PDS5B: variants seen among roughly 807,000 people sequenced by gnomAD.
PDS5B encodes the protein PDS5 cohesin associated factor B.
In PDS5B, 51 loss-of-function variants were observed where a neutral mutation model predicts 184.1. That is an observed-to-expected ratio of 0.28 (90% CI 0.22 to 0.35). PDS5B has a LOEUF of 0.35. Among genes scored for constraint, PDS5B ranks in the 10% least tolerant of loss-of-function variants. PDS5B has a pLI of 1.00. For missense variants in PDS5B, 1,180 were observed against 1,723.3 expected (o/e 0.68, Z 5.58); for synonymous variants, 566 against 569.2 (o/e 0.99, Z 0.08).
intron 23 of PDS5B, among the ~76,000 whole-genome samples, chr13:32,744,995 A>G (rs981458101): frequency 3.3e-5 from 5 of 152,156 alleles, no homozygotes; most frequent in Admixed American, 1.3e-4. Flanking sequence ...CCCTCCTTAT[A>G]TTTGTTCAAG....
intron 6 of PDS5B, among the ~76,000 whole-genome samples, chr13:32,665,423 C>G (rs1268647393): frequency 6.6e-6 from 1 of 151,278 alleles, no homozygotes; most frequent in Non-Finnish European, 1.5e-5. Context: ...AACCCTGTCT[C>G]TACTAAATAC....
In PDS5B at chr13:32,671,155, A is replaced by G. The variant is rs146728843; in HGVS notation, c.706-2061A>G. On this transcript the variant is annotated intron_variant, in intron 7 of 34. Transcript: ENST00000315596. The stretch of plus-strand genomic sequence containing the variant: ...CATATTTTTTATTCATTTACCAAAC[A>G]TATATTCTATGCCTCCTCTGTGTCA... 9.2e-3 allele frequency among the ~76,000 whole-genome samples: 1,403 copies of G among 152,314 alleles called. 59 individuals are homozygous for G. The highest frequency in any genetic ancestry group is 0.076 in the Admixed American group (1,163 of 15,294).
intron 11 of PDS5B, among the ~76,000 whole-genome samples, chr13:32,685,443 G>A (rs921452773): frequency 2.6e-5 from 4 of 152,100 alleles, no homozygotes; most frequent in African/African-American, 9.7e-5. Flanking sequence ...GGATCATAAT[G>A]TATATTTTTG....
chr13:32,668,588 A>AATGT (rs1413456684), intron 7 of PDS5B, among the ~76,000 whole-genome samples: 2 of 152,148 alleles, frequency 1.3e-5, no homozygotes, highest in Admixed American at 6.5e-5. Flanking sequence ...CTGGAATACA[A>AATGT]ATGTAGAGTA....
intron 1 of PDS5B, among the ~76,000 whole-genome samples, chr13:32,598,011 A>AT (rs1275524111): frequency 6.6e-6 from 1 of 152,038 alleles, no homozygotes; most frequent in African/African-American, 2.4e-5. Context: ...TATTCTGTAG[A>AT]TTAAAAAAAA....
chr13:32,628,715 A>G (rs545507993), intron 1 of PDS5B, among the ~76,000 whole-genome samples: 1 of 152,278 alleles, frequency 6.6e-6, no homozygotes, highest in Middle Eastern at 3.4e-3. Flanking sequence ...ACACACATAC[A>G]CACTTGAGTA....
Position 32,709,939 on chromosome 13 carries a change from T to C in PDS5B, c.1963-7T>C. The C allele has an allele frequency of 7.4e-7, 1 of 1,353,156 alleles. No homozygotes were observed. Among genetic ancestry groups the C allele is most frequent in the Non-Finnish European group, 9.7e-7 (1 of 1,030,410 alleles). 83.8% of individuals were successfully genotyped at this position (1,353,156 alleles called of 1,614,324 possible). On this transcript the variant is annotated splice_region_variant and splice_polypyrimidine_tract_variant and intron_variant, in intron 18 of 34. Transcript: ENST00000315596. Reference sequence around the variant, plus strand: ...TTTACAAATCATTTTTATGATTCATTTTATAGGTACTCTCATTTACACATC... The same window carrying C: ...TTTACAAATCATTTTTATGATTCATCTTATAGGTACTCTCATTTACACATC...
chr13:32,760,744 A>G (rs753633280), intron 30 of PDS5B, 24 bp downstream of exon 30: 6 of 1,603,388 alleles, frequency 3.7e-6, no homozygotes, highest in Non-Finnish European at 5.1e-6. Flanking sequence ...AAATGCCACA[A>G]TTTACATTTA....
intron 13 of PDS5B, chr13:32,690,664 A>G (rs1244255438): frequency 6.6e-6 from 1 of 152,218 alleles, no homozygotes; most frequent in Non-Finnish European, 1.5e-5. Context: ...CATGTCAGAT[A>G]TCACTTATCA....
intron 3 of PDS5B, among the ~76,000 whole-genome samples, chr13:32,656,814 C>G (rs1235358719): frequency 6.6e-6 from 1 of 152,096 alleles, no homozygotes; most frequent in African/African-American, 2.4e-5. Context: ...CCAGGCTGGT[C>G]TTGAACTCCT....
At position 32,775,882 on chromosome 13, in the gene PDS5B, CAAT is replaced by C; in HGVS notation, c.*833_*835del. 1 of 278,164 alleles carries C rather than the reference CAAT, an allele frequency of 3.6e-6. No individual in the cohort carries two copies. The highest frequency in any genetic ancestry group is 7.1e-6 in the Non-Finnish European group (1 of 140,430). 17.2% of individuals were successfully genotyped at this position (278,164 alleles called of 1,614,324 possible). On this transcript the variant is annotated 3_prime_UTR_variant, in exon 35 of 35. Coordinates refer to ENST00000315596, the MANE Select transcript of PDS5B (RefSeq NM_015032.4). ...TTCAGTTTTTATTAATCTACTGTAT[CAAT>C]AAAATTCTGTAATTTGAATGAGTTT...
At chr13:32,669,350 TAAG>T (rs1950875894) in intron 7 of PDS5B, among the ~76,000 whole-genome samples, 1 of 151,546 alleles carries the variant, frequency 6.6e-6, no homozygotes, top group Admixed American at 6.6e-5. Context: ...GGCATAAAAA[TAAG>T]AAAAGAACGC....
chr13:32,676,932 C>CA (rs4057303), intron 9 of PDS5B, among the ~76,000 whole-genome samples: 960 of 78,550 alleles, frequency 0.012, 11 homozygotes, highest in East Asian at 0.022. Context: ...CTCTTGTCTC[C>CA]AAAAAAAAAA....
intron 9 of PDS5B, 84 bp downstream of exon 9, chr13:32,676,043 G>A (rs1303134722): frequency 1.4e-6 from 1 of 696,658 alleles, no homozygotes; most frequent in Non-Finnish European, 2.5e-6. Flanking sequence ...CATTTAAACT[G>A]TGTTCTCTGG....
intron 13 of PDS5B, among the ~76,000 whole-genome samples, chr13:32,693,953 G>A (rs565005106): frequency 3.3e-5 from 5 of 151,478 alleles, no homozygotes; most frequent in South Asian, 2.1e-4. Flanking sequence ...AACACCTTAC[G>A]CTGTCAGTTA....
At chr13:32,614,528 C>G (rs2058191039) in intron 1 of PDS5B, among the ~76,000 whole-genome samples, 1 of 152,130 alleles carries the variant, frequency 6.6e-6, no homozygotes, top group South Asian at 2.1e-4. Context: ...GAACTCCTGA[C>G]CTCAAGTGAG....
At chr13:32,705,277 C>T (rs1020619259) in intron 17 of PDS5B, among the ~76,000 whole-genome samples, 4 of 151,944 alleles carry the variant, frequency 2.6e-5, no homozygotes, top group Admixed American at 6.6e-5. Context: ...TTCATTCCTG[C>T]GTATATCTAG....
In PDS5B at chr13:32,777,730, C is replaced by G. The variant is rs1174741552; in HGVS notation, c.*2678C>G. 6.6e-6 allele frequency: 1 copy of G among 152,344 alleles called. No homozygotes were observed. 9.4% of individuals were successfully genotyped at this position (152,344 alleles called of 1,614,324 possible). On this transcript the variant is annotated 3_prime_UTR_variant, in exon 35 of 35. Coordinates refer to ENST00000315596, the MANE Select transcript of PDS5B (RefSeq NM_015032.4). ...GCTGCAGTGCAACAGGAGGCTTTTT[C>G]AGTGATCTTCACTGTATATGTAAAT...
chr13:32,775,792 AT>A lies in PDS5B; in HGVS notation c.*744del. 1 of 373,776 alleles carries A rather than the reference AT, an allele frequency of 2.7e-6. No individual in the cohort carries two copies. Among genetic ancestry groups the A allele is most frequent in the Non-Finnish European group, 5.2e-6 (1 of 190,590 alleles). 23.2% of individuals were successfully genotyped at this position (373,776 alleles called of 1,614,324 possible). On this transcript the variant is annotated 3_prime_UTR_variant, in exon 35 of 35. Coordinates refer to ENST00000315596, the MANE Select transcript of PDS5B (RefSeq NM_015032.4). The stretch of plus-strand genomic sequence containing the variant: ...AATTTTAAGAAGAAAGATTTAAAGT[AT>A]TTTAATTTTAAAGAGTGTGTTATAA...
Sources: gnomAD v4.1 joint callset for allele counts (sites outside exome capture counted in the v4.1 genomes callset) on GRCh38, gnomAD v4.1.1 for gene constraint, MANE v1.5 for transcripts, NCBI Gene and HGNC (gene_info 2026-07-23, HGNC 2026-07-21) for gene names.